The following GRIA4 variants were observed in gnomAD, a reference collection of about 807,000 sequenced individuals.
GRIA4 encodes the protein glutamate receptor 4.
A neutral mutation model predicts 104.0 loss-of-function variants in GRIA4; 34 were observed. The ratio of observed to expected loss-of-function variants is 0.33; its 90% CI spans 0.25 to 0.44. The LOEUF is 0.44. Among genes scored for constraint, GRIA4 ranks in the 20% least tolerant of loss-of-function variants. The pLI, the probability that GRIA4 is intolerant of heterozygous loss-of-function variation, is 1.00. For synonymous variants in GRIA4, 386 were observed against 381.9 expected (o/e 1.01, Z -0.13); for missense variants, 750 against 1,096.5 (o/e 0.68, Z 4.46).
intron 3 of GRIA4, among the ~76,000 whole-genome samples, chr11:105,730,602 G>A (rs558088319): frequency 6.6e-6 from 1 of 152,224 alleles, no homozygotes; most frequent in East Asian, 1.9e-4. Context: ...AAAGCTGGAG[G>A]CATCACGCTA....
chr11:105,943,761 C>G (rs1292124471), intron 14 of GRIA4, among the ~76,000 whole-genome samples: 1 of 152,038 alleles, frequency 6.6e-6, no homozygotes, highest in African/African-American at 2.4e-5. Context: ...ATATAAGTGA[C>G]TACCATGGAT....
chr11:105,936,614 G>A (rs1342623551), intron 14 of GRIA4, among the ~76,000 whole-genome samples: 1 of 152,146 alleles, frequency 6.6e-6, no homozygotes, highest in African/African-American at 2.4e-5. Flanking sequence ...TTGGTCTAGG[G>A]AGTTTTAAAT....
chr11:105,690,773 C>A (rs1242242980), intron 3 of GRIA4, among the ~76,000 whole-genome samples: 5 of 152,146 alleles, frequency 3.3e-5, no homozygotes, highest in African/African-American at 1.2e-4. Flanking sequence ...GGAGAATGAT[C>A]TATGTGACCT....
intron 3 of GRIA4, among the ~76,000 whole-genome samples, chr11:105,750,708 ATTG>A (rs1163692673): frequency 3.3e-5 from 5 of 152,156 alleles, no homozygotes; most frequent in Non-Finnish European, 4.4e-5. Flanking sequence ...GTATAGTACA[ATTG>A]TTGTTTTTGA....
intron 3 of GRIA4, among the ~76,000 whole-genome samples, chr11:105,727,707 G>C (rs1938308111): frequency 6.6e-6 from 1 of 152,168 alleles, no homozygotes; most frequent in African/African-American, 2.4e-5. Context: ...CCACAAGAGA[G>C]TGGGGGCCAA....
intron 14 of GRIA4, among the ~76,000 whole-genome samples, chr11:105,953,029 A>G (rs914197698): frequency 2.0e-5 from 3 of 152,358 alleles, no homozygotes; most frequent in African/African-American, 7.2e-5. Context: ...AATGAAGCAA[A>G]AAGAGCCTTG....
chr11:105,693,214 A>C (rs565734170), intron 3 of GRIA4, among the ~76,000 whole-genome samples: 7 of 152,296 alleles, frequency 4.6e-5, no homozygotes, highest in African/African-American at 1.7e-4. Flanking sequence ...TTTGCTATTT[A>C]CTCTCTTGCA....
intron 3 of GRIA4, among the ~76,000 whole-genome samples, chr11:105,723,455 T>C (rs1255054101): frequency 6.6e-6 from 1 of 152,032 alleles, no homozygotes; most frequent in African/African-American, 2.4e-5. Flanking sequence ...AAAATAACGA[T>C]TGGTCAGCAT....
intron 3 of GRIA4, among the ~76,000 whole-genome samples, chr11:105,746,957 T>C (rs903347735): frequency 6.6e-5 from 10 of 151,976 alleles, no homozygotes; most frequent in Non-Finnish European, 1.2e-4. Context: ...AAAGTAGATG[T>C]AGGAAAAAAA....
chr11:105,832,410 C>T (rs1258786826), intron 4 of GRIA4, among the ~76,000 whole-genome samples: 1 of 151,572 alleles, frequency 6.6e-6, no homozygotes, highest in Non-Finnish European at 1.5e-5. Flanking sequence ...TGTGGAGCAT[C>T]TAGGATGACT....
chr11:105,941,995 A>G (rs1948192421), intron 14 of GRIA4, among the ~76,000 whole-genome samples: 2 of 152,122 alleles, frequency 1.3e-5, no homozygotes, highest in South Asian at 4.1e-4. Flanking sequence ...TGCAACTAGA[A>G]CCACAAAAAA....
chr11:105,902,878 T>G (rs564714410), intron 7 of GRIA4, among the ~76,000 whole-genome samples: 1 of 152,320 alleles, frequency 6.6e-6, no homozygotes, highest in Non-Finnish European at 1.5e-5. Context: ...ATTTTTTGAA[T>G]AAGTAGATCT....
At chr11:105,716,808 A>C (rs1345470844) in intron 3 of GRIA4, among the ~76,000 whole-genome samples, 3 of 152,046 alleles carry the variant, frequency 2.0e-5, no homozygotes, top group Non-Finnish European at 1.5e-5. Context: ...ATGATCAAAA[A>C]CTTCACTCTC....
intron 4 of GRIA4, among the ~76,000 whole-genome samples, chr11:105,775,181 C>T (rs908616673): frequency 2.6e-5 from 4 of 152,072 alleles, no homozygotes; most frequent in African/African-American, 9.7e-5. Flanking sequence ...TCTTGCATCC[C>T]TCTTACCAGG....
rs1464956404 is a variant in GRIA4, at chr11:105,887,630, T to G, written c.726+58T>G. The G allele has an allele frequency of 5.0e-6, 4 of 796,674 alleles. No individual in the cohort carries two copies. In the African/African-American group the frequency reaches 5.2e-5, roughly 10 times the overall value. 49.4% of individuals were successfully genotyped at this position (796,674 alleles called of 1,614,324 possible). On this transcript the variant is annotated intron_variant, in intron 6 of 16. Transcript: ENST00000282499. Reference sequence around the variant, plus strand: ...AATTGCTCAAGCACACAAGATTATTTTAACTGTGCCTTAAATAATGCTTCA... The same window carrying G: ...AATTGCTCAAGCACACAAGATTATTGTAACTGTGCCTTAAATAATGCTTCA...
chr11:105,852,779 G>C (rs975294841), intron 4 of GRIA4, among the ~76,000 whole-genome samples: 1 of 125,014 alleles, frequency 8.0e-6, no homozygotes, highest in African/African-American at 2.8e-5. Flanking sequence ...TTTCCTGCTA[G>C]GAACAGAAAT....
intron 3 of GRIA4, among the ~76,000 whole-genome samples, chr11:105,711,901 C>A (rs544619723): frequency 6.6e-6 from 1 of 152,156 alleles, no homozygotes; most frequent in African/African-American, 2.4e-5. Flanking sequence ...CTCTTTCACC[C>A]TCTGGAAATG....
chr11:105,697,710 T>C (rs137977745), intron 3 of GRIA4, among the ~76,000 whole-genome samples: 1 of 152,244 alleles, frequency 6.6e-6, no homozygotes, highest in East Asian at 1.9e-4. Context: ...AAGAACTGTG[T>C]TTAAGAGTGG....
At chr11:105,715,448 C>G (rs1954059360) in intron 3 of GRIA4, among the ~76,000 whole-genome samples, 1 of 151,948 alleles carries the variant, frequency 6.6e-6, no homozygotes, top group African/African-American at 2.4e-5. Context: ...TTTTGATGAC[C>G]AAGAAGCCTA....
Sources: gnomAD v4.1 joint callset for allele counts (sites outside exome capture counted in the v4.1 genomes callset) on GRCh38, gnomAD v4.1.1 for gene constraint, MANE v1.5 for transcripts, NCBI Gene and HGNC (gene_info 2026-07-23, HGNC 2026-07-21) for gene names.